The following BMPER variants were observed in gnomAD, a reference collection of about 807,000 sequenced individuals.
BMPER encodes BMP-binding endothelial regulator protein.
In BMPER, 45 loss-of-function variants were observed where a neutral mutation model predicts 87.3. The ratio of observed to expected loss-of-function variants is 0.52; its 90% CI spans 0.41 to 0.66. The LOEUF is 0.66. Ranked by LOEUF, BMPER falls within the 30% of genes least tolerant of loss-of-function variation. BMPER has a pLI of 0.00. For synonymous variants in BMPER, 326 were observed against 316.2 expected (o/e 1.03, Z -0.33); for missense variants, 784 against 867.5 (o/e 0.90, Z 1.21).
intron 3 of BMPER, among the ~76,000 whole-genome samples, chr7:33,943,892 T>C (rs984316627): frequency 2.0e-5 from 3 of 152,146 alleles, no homozygotes; most frequent in Non-Finnish European, 4.4e-5. Context: ...GGTGGTTTGG[T>C]GAGAAGTGGT....
rs1343397774 is a variant in BMPER at position 34,088,114 on chromosome 7, C to T, written c.1745+2022C>T. Among the ~76,000 whole-genome samples the T allele has an allele frequency of 2.0e-5, 3 of 152,204 alleles. No homozygotes were observed. In the South Asian group the frequency reaches 6.2e-4, roughly 31 times the overall value. Reference sequence around the variant, plus strand: ...AAAGGGCTTGATGCCCTGAGTTGGGCAGCTCATGAGAATGTTCTTGGGATC... The same window carrying T: ...AAAGGGCTTGATGCCCTGAGTTGGGTAGCTCATGAGAATGTTCTTGGGATC... On this transcript the variant is annotated intron_variant, in intron 13 of 14. Transcript: ENST00000649409.
At chr7:33,958,085 C>T (rs940125859) in intron 3 of BMPER, among the ~76,000 whole-genome samples, 3 of 152,202 alleles carry the variant, frequency 2.0e-5, no homozygotes, top group Non-Finnish European at 4.4e-5. Context: ...TGTTTGTTGT[C>T]TTTAAATAAA....
intron 6 of BMPER, among the ~76,000 whole-genome samples, chr7:34,007,170 T>C (rs1241057134): frequency 6.6e-6 from 1 of 152,080 alleles, no homozygotes; most frequent in Non-Finnish European, 1.5e-5. Flanking sequence ...ATTGAGATAA[T>C]CTTAGTGATC....
intron 6 of BMPER, among the ~76,000 whole-genome samples, chr7:33,995,022 C>A (rs1282301895): frequency 6.6e-6 from 1 of 152,034 alleles, no homozygotes; most frequent in African/African-American, 2.4e-5. Flanking sequence ...AAATGTACAT[C>A]TTAAAATTTA....
chr7:33,935,957 G>A (rs925391002), intron 2 of BMPER, among the ~76,000 whole-genome samples: 16 of 152,122 alleles, frequency 1.1e-4, no homozygotes, highest in African/African-American at 9.7e-5. Flanking sequence ...GGGCTGATAC[G>A]GAAACAGCTG....
At position 34,116,414 on chromosome 7, in the gene BMPER, A is replaced by G. The variant is rs111710290; in HGVS notation, c.1746-26816A>G. On this transcript the variant is annotated intron_variant, in intron 13 of 14. Transcript: ENST00000649409. ...TATTGACTCATTCCCATATTTACAGAGAAAGAAACTTGTAGGATATTAGAT... is the reference window on the plus strand; with the variant it reads ...TATTGACTCATTCCCATATTTACAGGGAAAGAAACTTGTAGGATATTAGAT... 1.7e-3 allele frequency among the ~76,000 whole-genome samples: 265 copies of G among 152,260 alleles called. 2 individuals carry two copies. The highest frequency in any genetic ancestry group is 5.8e-3 in the African/African-American group (243 of 41,554).
At chr7:34,058,335 C>T (rs1018939229) in intron 10 of BMPER, among the ~76,000 whole-genome samples, 172 bp downstream of exon 10, 2 of 152,186 alleles carry the variant, frequency 1.3e-5, no homozygotes, top group Non-Finnish European at 2.9e-5. Context: ...CAGATTTTTT[C>T]CTTGCATGAA....
chr7:34,073,688 A>C (rs1052048984), intron 11 of BMPER, among the ~76,000 whole-genome samples: 1 of 152,248 alleles, frequency 6.6e-6, no homozygotes, highest in African/African-American at 2.4e-5. Context: ...TAAGCAGGCT[A>C]TGAGTTTGGT....
intron 6 of BMPER, among the ~76,000 whole-genome samples, chr7:34,003,863 TATG>T (rs1786654908): frequency 6.6e-6 from 1 of 152,156 alleles, no homozygotes; most frequent in Admixed American, 6.5e-5. Flanking sequence ...CACATTTCAC[TATG>T]ATGTGTCCAC....
intron 6 of BMPER, among the ~76,000 whole-genome samples, chr7:33,993,819 T>G (rs1489245659): frequency 2.0e-5 from 3 of 152,226 alleles, no homozygotes; most frequent in African/African-American, 7.2e-5. Context: ...CCTTTCTGTT[T>G]GTTAGTTTTC....
chr7:33,988,128 A>G (rs1379745561), intron 6 of BMPER, among the ~76,000 whole-genome samples: 1 of 152,140 alleles, frequency 6.6e-6, no homozygotes, highest in Non-Finnish European at 1.5e-5. Flanking sequence ...TCATGCTGTC[A>G]TTTTATTAAA....
At chr7:33,930,208 T>G (rs1784450015) in intron 2 of BMPER, among the ~76,000 whole-genome samples, 1 of 152,208 alleles carries the variant, frequency 6.6e-6, no homozygotes, top group Non-Finnish European at 1.5e-5. Context: ...CTTTCTATTT[T>G]TTTTCAAGTT....
chr7:33,958,684 G>A (rs769214199), intron 3 of BMPER, among the ~76,000 whole-genome samples: 6 of 152,164 alleles, frequency 3.9e-5, no homozygotes, highest in Non-Finnish European at 7.3e-5. Flanking sequence ...AAGAGTGGCC[G>A]TTTGTTCCCA....
intron 11 of BMPER, among the ~76,000 whole-genome samples, chr7:34,074,885 A>C (rs1261651385): frequency 6.6e-6 from 1 of 152,266 alleles, no homozygotes; most frequent in Non-Finnish European, 1.5e-5. Flanking sequence ...GCACAAAATT[A>C]TAAACAGTGG....
intron 3 of BMPER, among the ~76,000 whole-genome samples, chr7:33,956,521 A>G (rs938719926): frequency 6.6e-6 from 1 of 152,112 alleles, no homozygotes; most frequent in Non-Finnish European, 1.5e-5. Context: ...ATCTTTTTCA[A>G]TAAAAGTTAT....
chr7:34,148,916 A>G (rs1791099128), intron 14 of BMPER, among the ~76,000 whole-genome samples: 1 of 152,244 alleles, frequency 6.6e-6, no homozygotes, highest in Non-Finnish European at 1.5e-5. Context: ...GTGAGTTGAA[A>G]GAGGGCAAGG....
chr7:33,948,294 T>C (rs377348087), intron 3 of BMPER, among the ~76,000 whole-genome samples: 61 of 152,334 alleles, frequency 4.0e-4, no homozygotes, highest in African/African-American at 1.3e-3. Flanking sequence ...TAGAGAATAC[T>C]TTGGAAGAGA....
chr7:34,085,621 A>C, intron 12 of BMPER, 135 bp from the exon 13 acceptor site: 1 of 839,260 alleles, frequency 1.2e-6, no homozygotes, highest in Non-Finnish European at 2.0e-6. Context: ...AGAGGTAACC[A>C]AGAATTTGGA....
At chr7:33,979,614 A>G (rs961093315) in intron 6 of BMPER, among the ~76,000 whole-genome samples, 3 of 152,074 alleles carry the variant, frequency 2.0e-5, no homozygotes, top group East Asian at 3.9e-4. Flanking sequence ...TGGCCAGCCT[A>G]TTCTCGTCTG....
Sources: allele counts gnomAD v4.1 joint callset (sites outside exome capture counted in the v4.1 genomes callset), GRCh38; gene constraint gnomAD v4.1.1; transcripts MANE v1.5; gene names NCBI Gene and HGNC (gene_info 2026-07-23, HGNC 2026-07-21).